The following RINT1 variants were observed in gnomAD, a reference collection of about 807,000 sequenced individuals.
The protein encoded by RINT1 is RAD50 interactor 1.
RINT1 carries 75 observed loss-of-function variants against 97.7 expected under a neutral mutation model. The ratio of observed to expected loss-of-function variants is 0.77; its 90% CI spans 0.64 to 0.93. The LOEUF is 0.93. Among genes scored for constraint, RINT1 ranks in the 40% least tolerant of loss-of-function variants. The probability of loss-of-function intolerance (pLI) is 0.00; values close to 1 mark genes in which losing one functional copy is unlikely to be tolerated. For missense variants in RINT1, 892 were observed against 925.2 expected (o/e 0.96, Z 0.47); for synonymous variants, 303 against 326.3 (o/e 0.93, Z 0.77).
intron 4 of RINT1, among the ~76,000 whole-genome samples, chr7:105,545,898 G>A (rs1403731602): frequency 6.6e-6 from 1 of 150,470 alleles, no homozygotes; most frequent in African/African-American, 2.5e-5. Context: ...CCGCCTCCCG[G>A]GTTCAAGCAG....
At chr7:105,561,438 G>T (rs951166339) in intron 11 of RINT1, among the ~76,000 whole-genome samples, 2 of 152,066 alleles carry the variant, frequency 1.3e-5, no homozygotes, top group Non-Finnish European at 2.9e-5. Flanking sequence ...TGACACAGGA[G>T]AATCGCCTGA....
rs901410795 is a variant in RINT1 at position 105,534,131 on chromosome 7, C to T, written c.88+1262C>T. Among the ~76,000 whole-genome samples the T allele has an allele frequency of 2.6e-5, 4 of 151,508 alleles. No homozygotes were observed. In the East Asian group the frequency reaches 7.7e-4, roughly 29 times the overall value. ...TGTCTCTCAGGCTGGAGTGCAGTGG[C>T]GCGATCTCGCCTTACTGCAAGCTCC... On this transcript the variant is annotated intron_variant, in intron 2 of 14. Coordinates refer to ENST00000257700, the MANE Select transcript of RINT1 (RefSeq NM_021930.6).
rs892795257 is a variant in RINT1 at position 105,546,838 on chromosome 7, G to T, written c.516-72G>T. 3.6e-6 allele frequency: 4 copies of T among 1,108,664 alleles called. No individual in the cohort carries two copies. The African/African-American group carries it at 6.3e-5, about 17-fold the overall frequency. The allele number at this position is 1,108,664 out of a possible 1,614,324, so 68.7% of individuals were successfully genotyped here. A position where few individuals can be genotyped will look rare whatever the true frequency, so the allele number is the denominator to read the frequency against. ...TTGCATTGAGCCAAATCATGCCACT[G>T]CACTCCAACCTGGGCAACAGAGTGA... On this transcript the variant is annotated intron_variant, in intron 4 of 14. Coordinates refer to ENST00000257700, the MANE Select transcript of RINT1 (RefSeq NM_021930.6).
chr7:105,557,420 A>T (rs1321788544), intron 11 of RINT1, among the ~76,000 whole-genome samples: 2 of 152,184 alleles, frequency 1.3e-5, no homozygotes, highest in African/African-American at 4.8e-5. Context: ...ACAAAGATGG[A>T]CAAGATAAAT....
In RINT1 at chr7:105,549,926, G is replaced by A. The variant is rs1227528881; in HGVS notation, c.997-129G>A. 1.0e-5 allele frequency: 6 copies of A among 579,136 alleles called. No homozygotes were observed. The East Asian group carries it at 1.7e-4, about 17-fold the overall frequency. The allele number at this position is 579,136 out of a possible 1,614,324, so 35.9% of individuals were successfully genotyped here. On this transcript the variant is annotated intron_variant, in intron 7 of 14. Coordinates refer to ENST00000257700, the MANE Select transcript of RINT1 (RefSeq NM_021930.6). ...GTTTAAAATTTGGAGTAGAAATTGT[G>A]CTCTTACATACAGGAATTTTCAACT...
chr7:105,546,255 C>G (rs1038183576), intron 4 of RINT1, among the ~76,000 whole-genome samples: 1 of 152,310 alleles, frequency 6.6e-6, no homozygotes, highest in East Asian at 1.9e-4. Context: ...ATACTGAAGA[C>G]TTTGTAAAAG....
Position 105,555,129 on chromosome 7 carries a change from AAAG to A in RINT1, c.1578_1580del (p.Glu527del). ...TAGGATACGATTAACACAAGTGATG[AAAG>A]AAGAGACTAGAGCTTCCCTTGGCTT... On this transcript the variant is annotated inframe_deletion, in exon 11 of 15. Coordinates refer to ENST00000257700, the MANE Select transcript of RINT1 (RefSeq NM_021930.6). 1 of 1,614,088 alleles carries A rather than the reference AAAG, an allele frequency of 6.2e-7. No individual in the cohort carries two copies. Among genetic ancestry groups the A allele is most frequent in the Non-Finnish European group, 8.5e-7 (1 of 1,179,986 alleles).
Position 105,565,317 on chromosome 7 carries a change from T to G in RINT1, c.1927T>G (p.Ser643Ala). 1 of 1,614,210 alleles carries G rather than the reference T, an allele frequency of 6.2e-7. No individual in the cohort carries two copies. Among genetic ancestry groups the G allele is most frequent in the Non-Finnish European group, 8.5e-7 (1 of 1,180,002 alleles). ...ATCTCAGTCAGAGCAGGCAGTGATG[T>G]CCCTGTCCAGTTCGGCTTGCCCGTT... Reference protein sequence around the residue: ...LPSQSEQAVMSLSSSACPLLL... With the variant: ...LPSQSEQAVMALSSSACPLLL... The change falls in exon 13 of 15, where the codon TCC becomes GCC. Residue 643 changes from serine to alanine, a missense_variant. Ser to Ala is a moderately conservative substitution (Grantham distance 99). Coordinates refer to ENST00000257700, the MANE Select transcript of RINT1 (RefSeq NM_021930.6).
intron 2 of RINT1, among the ~76,000 whole-genome samples, chr7:105,534,472 C>T (rs1790150363): frequency 6.6e-6 from 1 of 151,856 alleles, no homozygotes. Context: ...GCAGATACAC[C>T]ACACAAATCA....
At chr7:105,561,994 A>C (rs1791460666) in intron 11 of RINT1, among the ~76,000 whole-genome samples, 1 of 152,230 alleles carries the variant, frequency 6.6e-6, no homozygotes, top group African/African-American at 2.4e-5. Flanking sequence ...AAATATATAT[A>C]TAGTGAAAAT....
chr7:105,558,568 G>A (rs1791291333), intron 11 of RINT1, among the ~76,000 whole-genome samples: 1 of 152,114 alleles, frequency 6.6e-6, no homozygotes, highest in African/African-American at 2.4e-5. Context: ...TCTCACACCT[G>A]TAATCCCAAC....
intron 4 of RINT1, among the ~76,000 whole-genome samples, chr7:105,546,591 C>T (rs1181179616): frequency 3.9e-5 from 6 of 152,064 alleles, no homozygotes; most frequent in South Asian, 2.1e-4. Flanking sequence ...AATTTGCTTT[C>T]GGCTGGGCAC....
intron 3 of RINT1, 59 bp from the exon 4 acceptor site, chr7:105,542,349 G>T: frequency 7.2e-7 from 1 of 1,388,316 alleles, no homozygotes. Context: ...AAAAAATTAT[G>T]AAAATTTTAT....
chr7:105,537,921 T>A (rs1790311334), intron 3 of RINT1, among the ~76,000 whole-genome samples: 1 of 152,032 alleles, frequency 6.6e-6, no homozygotes. Context: ...AAAAACCCAA[T>A]GAGTATAAGC....
At chr7:105,549,959 A>G (rs974645239) in intron 7 of RINT1, 96 bp from the exon 8 acceptor site, 14 of 716,976 alleles carry the variant, frequency 2.0e-5, no homozygotes, top group African/African-American at 1.4e-4. Flanking sequence ...ACTAATTTTT[A>G]TAAGTGTTGT....
intron 2 of RINT1, among the ~76,000 whole-genome samples, chr7:105,533,770 C>A (rs1204476791): frequency 6.6e-6 from 1 of 152,222 alleles, no homozygotes; most frequent in East Asian, 1.9e-4. Flanking sequence ...TGCCTTGTAT[C>A]TCTCAGTTAA....
chr7:105,542,893 T>C (rs67259764), intron 4 of RINT1, among the ~76,000 whole-genome samples: 4 of 112,456 alleles, frequency 3.6e-5, no homozygotes, highest in East Asian at 2.1e-4. Context: ...ACTTTTAAGT[T>C]TTTTTTTTTT....
chr7:105,545,908 G>C (rs1053784945), intron 4 of RINT1, among the ~76,000 whole-genome samples: 1 of 142,080 alleles, frequency 7.0e-6, no homozygotes, highest in African/African-American at 2.6e-5. Flanking sequence ...GGTTCAAGCA[G>C]TTCTCCTGCC....
At chr7:105,532,744 G>A (rs927154611) in intron 1 of RINT1, 80 bp from the exon 2 acceptor site, 2 of 1,454,322 alleles carry the variant, frequency 1.4e-6, no homozygotes, top group African/African-American at 2.8e-5. Context: ...TGCCTCCAGT[G>A]GGTGCCCTTT....
Sources: gnomAD v4.1 joint callset for allele counts (sites outside exome capture counted in the v4.1 genomes callset) on GRCh38, gnomAD v4.1.1 for gene constraint, MANE v1.5 for transcripts, NCBI Gene and HGNC (gene_info 2026-07-23, HGNC 2026-07-21) for gene names.